The following CEP78 variants were observed in gnomAD, a reference collection of about 807,000 sequenced individuals.
CEP78 encodes the protein centrosomal protein 78.
CEP78 carries 76 observed loss-of-function variants against 81.2 expected under a neutral mutation model. The observed-to-expected ratio is 0.94, with a 90% CI of 0.78 to 1.13. The LOEUF (loss-of-function observed/expected upper bound fraction) is 1.13. Ranked by LOEUF, CEP78 falls within the 50% of genes most tolerant of loss-of-function variation. The probability of loss-of-function intolerance (pLI) is 0.00; values close to 1 mark genes in which losing one functional copy is unlikely to be tolerated. For synonymous variants in CEP78, 293 were observed against 301.4 expected, an observed-to-expected ratio of 0.97 and a Z score of 0.29; for missense variants, 918 against 846.8, an observed-to-expected ratio of 1.08 and a Z score of -1.04.
chr9:78,278,792 A>G lies in CEP78; in HGVS notation c.*7941A>G, dbSNP rs1827852450. ...TTCCTTGAGCTCTTTAACTCTCTAT[A>G]GTCTTCTGGTAATTTTCTTTAGATT... On this transcript the variant is annotated 3_prime_UTR_variant, in exon 17 of 17. Coordinates refer to ENST00000643273, the MANE Select transcript of CEP78 (RefSeq NM_001330691.3). 1 of 152,186 alleles carries G rather than the reference A, an allele frequency of 6.6e-6. No homozygotes were observed. Among genetic ancestry groups the G allele is most frequent in the African/African-American group, 2.4e-5 (1 of 41,440 alleles). 9.4% of individuals were successfully genotyped at this position (152,186 alleles called of 1,614,324 possible). A position where few individuals can be genotyped will look rare whatever the true frequency, so the allele number is the denominator to read the frequency against.
At chr9:78,255,346 T>C (rs531118046) in intron 11 of CEP78, among the ~76,000 whole-genome samples, 1 of 152,292 alleles carries the variant, frequency 6.6e-6, no homozygotes, top group Non-Finnish European at 1.5e-5. Flanking sequence ...AGTCCACAAT[T>C]AATTTTTAAA....
At chr9:78,269,772 G>A (rs555476035) in intron 16 of CEP78, among the ~76,000 whole-genome samples, 134 of 152,318 alleles carry the variant, frequency 8.8e-4, no homozygotes, top group African/African-American at 3.1e-3. Context: ...AAGGAGTTTG[G>A]ATGATAAGAG....
At chr9:78,256,300 C>T (rs1025939232) in intron 11 of CEP78, among the ~76,000 whole-genome samples, 1 of 152,090 alleles carries the variant, frequency 6.6e-6, no homozygotes, top group Non-Finnish European at 1.5e-5. Flanking sequence ...AGCTCCTTGA[C>T]AGTTTGTATA....
Position 78,254,879 on chromosome 9 carries a change from C to T in CEP78, c.1295C>T (p.Ser432Phe). The change falls in exon 11 of 17, where the codon TCC (serine) becomes TTC (phenylalanine). Residue 432 changes from serine (S) to phenylalanine (F), a missense_variant. By Grantham distance (155) the Ser-to-Phe change is radical. Coordinates refer to ENST00000643273, the MANE Select transcript of CEP78 (RefSeq NM_001330691.3). The part of the protein sequence containing the change: ...PVTVTVESPS[S>F]SEVEEVDDSS... ...ACTGTGACAGTAGAGAGTCCTTCAT[C>T]CTCTGAAGTTGAAGAGGTTGATGAT... The T allele has an allele frequency of 6.2e-7, 1 of 1,610,902 alleles. No individual in the cohort carries two copies. Among genetic ancestry groups the T allele is most frequent in the Non-Finnish European group, 8.5e-7 (1 of 1,177,604 alleles).
chr9:78,248,510 G>A (rs1826605169), intron 7 of CEP78, among the ~76,000 whole-genome samples, 155 bp downstream of exon 7: 2 of 152,028 alleles, frequency 1.3e-5, no homozygotes, highest in Admixed American at 6.6e-5. Flanking sequence ...GGTATATATC[G>A]TTGTGCCCAG....
rs1163977527 is a variant in CEP78 at position 78,276,013 on chromosome 9, G to T, written c.*5162G>T. 6.6e-6 allele frequency: 1 copy of T among 152,176 alleles called. No homozygotes were observed. The highest frequency in any genetic ancestry group is 2.4e-5 in the African/African-American group (1 of 41,430). 9.4% of individuals were successfully genotyped at this position (152,176 alleles called of 1,614,324 possible). On this transcript the variant is annotated 3_prime_UTR_variant, in exon 17 of 17. Transcript: ENST00000643273. The stretch of plus-strand genomic sequence containing the variant: ...GTAAACCATTCCAGAGGATAGAAAA[G>T]AGATGTAAGGCTCCCTAATTCATTC...
chr9:78,248,712 C>G, intron 7 of CEP78, 50 bp from the exon 8 acceptor site: 1 of 954,156 alleles, frequency 1.0e-6, no homozygotes, highest in South Asian at 1.6e-5. Context: ...AGATGTAGCC[C>G]TCATAAATGA....
At position 78,254,933 on chromosome 9, in the gene CEP78, A is replaced by G. The variant is rs1415676945; in HGVS notation, c.1349A>G (p.Glu450Gly). ...TCAGAGAGTGTTCATGAAGTGCCTG[A>G]GAAAACTAGTATAGAACAAGAAGCA... ...DSSESVHEVP[E>G]KTSIEQEALQ... The change falls in exon 11 of 17, where the codon GAG becomes GGG. Residue 450 changes from glutamate (E) to glycine (G), a missense_variant. Glu to Gly is a moderately conservative substitution (Grantham distance 98). Transcript: ENST00000643273. The G allele has an allele frequency of 6.2e-7, 1 of 1,611,750 alleles. No homozygotes were observed.
chr9:78,269,694 T>C (rs1827649618), intron 16 of CEP78, among the ~76,000 whole-genome samples: 1 of 152,178 alleles, frequency 6.6e-6, no homozygotes, highest in Non-Finnish European at 1.5e-5. Flanking sequence ...AAATGCCAGA[T>C]TGCAGTAAAT....
chr9:78,240,051 T>TC lies in CEP78; in HGVS notation c.283dup (p.Arg95ProfsTer16), dbSNP rs1826148463. The TC allele has an allele frequency of 3.8e-6, 6 of 1,581,270 alleles. No individual in the cohort carries two copies. The highest frequency in any genetic ancestry group is 5.1e-6 in the Non-Finnish European group (6 of 1,171,792). Reference sequence around the variant, plus strand: ...CTGACATGAATAAATTTTGCAGAAGTCGTGTTCCTGCGATAAGATACAAAG... The same window carrying TC: ...CTGACATGAATAAATTTTGCAGAAGTCCGTGTTCCTGCGATAAGATACAAAG... On this transcript the variant is annotated frameshift_variant, in exon 2 of 17. Coordinates refer to ENST00000643273, the MANE Select transcript of CEP78 (RefSeq NM_001330691.3). LOFTEE classifies it high-confidence loss of function.
At chr9:78,237,331 A>G (rs1369183463) in intron 1 of CEP78, among the ~76,000 whole-genome samples, 1 of 152,164 alleles carries the variant, frequency 6.6e-6, no homozygotes, top group East Asian at 1.9e-4. Flanking sequence ...TGCTTTACAA[A>G]TACAAGCCAT....
Position 78,265,375 on chromosome 9 carries a change from T to C in CEP78, c.1629T>C (p.Leu543=), listed in dbSNP as rs200987172. Residue 543 remains leucine (L), a synonymous_variant, in exon 14 of 17, where the codon CTT becomes CTC. Transcript: ENST00000643273. ...AFLDLLKDAG[L]GQLATMAGID... ...CTCCTTTTCTTCTCTCGACCAGGCT[T>C]GGGCAGCTTGCCACAATGGCTGGGA... The C allele has an allele frequency of 6.3e-7, 1 of 1,597,070 alleles. No homozygotes were observed. The highest frequency in any genetic ancestry group is 1.8e-5 in the Admixed American group (1 of 56,388).
intron 15 of CEP78, 132 bp from the exon 16 acceptor site, chr9:78,266,310 G>T: frequency 1.5e-6 from 1 of 660,158 alleles, no homozygotes; most frequent in Non-Finnish European, 2.5e-6. Flanking sequence ...GCAATCACTT[G>T]GCAAGATATA....
At chr9:78,258,224 G>A (rs564004219) in intron 11 of CEP78, among the ~76,000 whole-genome samples, 2 of 152,210 alleles carry the variant, frequency 1.3e-5, no homozygotes, top group Non-Finnish European at 2.9e-5. Context: ...GTAAGCCCAA[G>A]CTGTACTTAA....
Position 78,246,694 on chromosome 9 carries a change from C to T in CEP78, c.804C>T (p.Leu268=), listed in dbSNP as rs764200008. The change falls in exon 6 of 17, where the codon CTC becomes CTT. Residue 268 remains leucine, a synonymous_variant. Coordinates refer to ENST00000643273, the MANE Select transcript of CEP78 (RefSeq NM_001330691.3). ...LRALDLQQCG[L]TNEGAKALLE... is the part of the protein sequence containing the mutation. Reference sequence around the variant, plus strand: ...CTCTTGACCTGCAACAGTGCGGCCTCACCAATGAAGGAGCAAAGGCTTTGC... The same window carrying T: ...CTCTTGACCTGCAACAGTGCGGCCTTACCAATGAAGGAGCAAAGGCTTTGC... The T allele has an allele frequency of 6.2e-7, 1 of 1,610,292 alleles. No homozygotes were observed. The highest frequency in any genetic ancestry group is 8.5e-7 in the Non-Finnish European group (1 of 1,178,284).
intron 11 of CEP78, 44 bp downstream of exon 11, chr9:78,255,008 ACT>A: frequency 6.4e-7 from 1 of 1,552,734 alleles, no homozygotes; most frequent in Non-Finnish European, 8.7e-7. Flanking sequence ...ATCATTTCAA[ACT>A]CTAGTTAGTT....
intron 8 of CEP78, 93 bp from the exon 9 acceptor site, chr9:78,251,815 C>T: frequency 9.2e-7 from 1 of 1,084,258 alleles, no homozygotes; most frequent in Non-Finnish European, 1.3e-6. Context: ...GTCAGGTGCC[C>T]ATTTGTATTC....
At chr9:78,240,452 T>G in intron 3 of CEP78, 88 bp downstream of exon 3, 1 of 1,080,290 alleles carries the variant, frequency 9.3e-7, no homozygotes, top group Non-Finnish European at 1.4e-6. Flanking sequence ...TGTACCTTTT[T>G]TCTTACTACT....
At chr9:78,240,412 G>A in intron 3 of CEP78, 48 bp downstream of exon 3, 1 of 1,432,554 alleles carries the variant, frequency 7.0e-7, no homozygotes, top group Non-Finnish European at 9.6e-7. Flanking sequence ...CTGGTTTCAT[G>A]TTTCCCTACA....
Sources: allele counts gnomAD v4.1 joint callset (sites outside exome capture counted in the v4.1 genomes callset), GRCh38; gene constraint gnomAD v4.1.1; transcripts MANE v1.5; gene names NCBI Gene and HGNC (gene_info 2026-07-23, HGNC 2026-07-21).